The following GABBR2 variants were observed in gnomAD, a reference collection of about 807,000 sequenced individuals.
GABBR2 encodes the protein gamma-aminobutyric acid type B receptor subunit 2.
In GABBR2, 23 loss-of-function variants were observed where a neutral mutation model predicts 105.6. The observed-to-expected ratio is 0.22, with a 90% CI of 0.16 to 0.31. GABBR2 has a LOEUF of 0.31. GABBR2 is among the 10% of genes least tolerant of loss of function. The pLI is 1.00. For synonymous variants in GABBR2, 478 were observed against 499.7 expected, an observed-to-expected ratio of 0.96 and a Z score of 0.58; for missense variants, 734 against 1,245.5, an observed-to-expected ratio of 0.59 and a Z score of 6.18.
intron 18 of GABBR2, among the ~76,000 whole-genome samples, chr9:98,291,214 C>T (rs1330256562): frequency 1.3e-5 from 2 of 152,194 alleles, no homozygotes; most frequent in Non-Finnish European, 2.9e-5. Flanking sequence ...TATCATCTAA[C>T]ACAAGGCCTA....
intron 2 of GABBR2, among the ~76,000 whole-genome samples, chr9:98,568,757 C>A (rs187547134): frequency 7.9e-5 from 12 of 152,194 alleles, no homozygotes; most frequent in Non-Finnish European, 1.8e-4. Context: ...AACTACCAGA[C>A]TTCTCTGTCC....
rs190437344 is a variant in GABBR2, at chr9:98,457,631, G to A, written c.1000-3414C>T. 5.7e-4 allele frequency among the ~76,000 whole-genome samples: 87 copies of A among 152,250 alleles called. No homozygotes were observed. In the East Asian group the frequency reaches 0.015, roughly 26 times the overall value. The stretch of plus-strand genomic sequence containing the variant: ...CACGGCTCTTTACCAGATTTCTGTG[G>A]GTAGAGTCCTTGGAATCAGACACAG... On this transcript the variant is annotated intron_variant, in intron 6 of 18. Transcript: ENST00000259455.
intron 13 of GABBR2, among the ~76,000 whole-genome samples, chr9:98,318,192 A>T (rs1830752242): frequency 6.6e-6 from 1 of 152,200 alleles, no homozygotes; most frequent in East Asian, 1.9e-4. Flanking sequence ...AGCTTGTTAA[A>T]ATGCAGATTC....
chr9:98,705,010 A>G (rs1246834406), intron 1 of GABBR2, among the ~76,000 whole-genome samples: 1 of 152,134 alleles, frequency 6.6e-6, no homozygotes, highest in Non-Finnish European at 1.5e-5. Context: ...ATTAAGTAAT[A>G]TGGTACATTT....
At chr9:98,581,831 C>T (rs1416989977) in intron 1 of GABBR2, among the ~76,000 whole-genome samples, 1 of 152,138 alleles carries the variant, frequency 6.6e-6, no homozygotes, top group Non-Finnish European at 1.5e-5. Flanking sequence ...ATAATATTAG[C>T]AACAATGAAT....
intron 13 of GABBR2, among the ~76,000 whole-genome samples, chr9:98,340,700 T>C (rs925245045): frequency 6.6e-6 from 1 of 152,190 alleles, no homozygotes; most frequent in African/African-American, 2.4e-5. Flanking sequence ...GGGTACCCCA[T>C]AAATGCTGAA....
intron 2 of GABBR2, among the ~76,000 whole-genome samples, chr9:98,556,666 G>A (rs528275107): frequency 1.1e-4 from 16 of 152,254 alleles, no homozygotes; most frequent in African/African-American, 3.4e-4. Flanking sequence ...CTGCAAACCC[G>A]CCACCAACCT....
chr9:98,401,056 C>CTGTTA (rs1832387046), intron 8 of GABBR2, among the ~76,000 whole-genome samples: 1 of 150,832 alleles, frequency 6.6e-6, no homozygotes, highest in African/African-American at 2.4e-5. Context: ...TCTGGGGTCA[C>CTGTTA]TGTTAAGAGT....
intron 13 of GABBR2, among the ~76,000 whole-genome samples, chr9:98,320,603 G>A (rs142798763): frequency 0.014 from 2,059 of 152,250 alleles, 44 homozygotes; most frequent in African/African-American, 0.047. Context: ...GATAGACTGG[G>A]TTAAGCAAAT....
chr9:98,607,075 G>C, intron 1 of GABBR2: 2 of 1,498,310 alleles, frequency 1.3e-6, no homozygotes, highest in Non-Finnish European at 1.9e-6. Flanking sequence ...TCAGTTAAGA[G>C]ATCTGGTTTT....
intron 13 of GABBR2, among the ~76,000 whole-genome samples, chr9:98,356,295 G>A (rs1389225522): frequency 6.6e-6 from 1 of 152,150 alleles, no homozygotes; most frequent in East Asian, 1.9e-4. Flanking sequence ...TAAAGGACTT[G>A]CATCCAAAAT....
chr9:98,605,782 ATTTT>A (rs540381641), intron 1 of GABBR2, among the ~76,000 whole-genome samples: 1 of 152,022 alleles, frequency 6.6e-6, no homozygotes, highest in African/African-American at 2.4e-5. Flanking sequence ...TCATGTGAGG[ATTTT>A]TTTTATTATA....
In GABBR2 at chr9:98,431,405, C is replaced by A. The variant is rs140223270; in HGVS notation, c.1236+22576G>T. 3.5e-3 allele frequency among the ~76,000 whole-genome samples: 529 copies of A among 152,176 alleles called. 3 individuals carry two copies. Among genetic ancestry groups the A allele is most frequent in the African/African-American group, 0.012 (496 of 41,514 alleles). On this transcript the variant is annotated intron_variant, in intron 7 of 18. Coordinates refer to ENST00000259455, the MANE Select transcript of GABBR2 (RefSeq NM_005458.8). ...TTTTGGTTTTGTTCACAGCTGTATT[C>A]CTAGCTCCTAGGGCAGTACTTGGCA... is the stretch of plus-strand genomic sequence containing the variant.
At chr9:98,361,770 T>C (rs1172004374) in intron 13 of GABBR2, among the ~76,000 whole-genome samples, 2 of 152,186 alleles carry the variant, frequency 1.3e-5, no homozygotes, top group Non-Finnish European at 2.9e-5. Flanking sequence ...TAGTTCTCAA[T>C]CTCTTTCCTA....
At chr9:98,486,561 C>CT (rs1827054810) in intron 4 of GABBR2, among the ~76,000 whole-genome samples, 8 of 152,208 alleles carry the variant, frequency 5.3e-5, no homozygotes, top group Non-Finnish European at 1.2e-4. Flanking sequence ...TCTCCTGCCA[C>CT]CCATGCATCT....
intron 13 of GABBR2, among the ~76,000 whole-genome samples, chr9:98,330,857 T>A (rs1831011827): frequency 6.6e-6 from 1 of 152,162 alleles, no homozygotes; most frequent in Admixed American, 6.5e-5. Context: ...TATCTCATAG[T>A]TTTCATCACC....
chr9:98,635,636 G>A (rs1829865262), intron 1 of GABBR2, among the ~76,000 whole-genome samples: 1 of 152,112 alleles, frequency 6.6e-6, no homozygotes, highest in Non-Finnish European at 1.5e-5. Context: ...GGTGTCTGTA[G>A]GTTGGGTCTT....
chr9:98,500,192 AG>A (rs1409958539), intron 3 of GABBR2, among the ~76,000 whole-genome samples: 1 of 152,272 alleles, frequency 6.6e-6, no homozygotes, highest in Non-Finnish European at 1.5e-5. Flanking sequence ...CTTCTGGGAA[AG>A]GAATAACTCT....
intron 3 of GABBR2, among the ~76,000 whole-genome samples, chr9:98,520,723 A>C (rs1286976473): frequency 6.6e-6 from 1 of 152,202 alleles, no homozygotes; most frequent in African/African-American, 2.4e-5. Flanking sequence ...AAAGGGCATA[A>C]CTTTGGCAGA....
Sources: allele counts gnomAD v4.1 joint callset (sites outside exome capture counted in the v4.1 genomes callset), GRCh38; gene constraint gnomAD v4.1.1; transcripts MANE v1.5; gene names NCBI Gene and HGNC (gene_info 2026-07-23, HGNC 2026-07-21).